The following CHEK1 variants were observed in gnomAD, a reference collection of about 807,000 sequenced individuals.
CHEK1 encodes checkpoint kinase 1, also known as serine/threonine-protein kinase Chk1.
CHEK1 carries 32 observed loss-of-function variants against 60.2 expected under a neutral mutation model. That is an observed-to-expected ratio of 0.53 (90% confidence interval 0.40 to 0.71). The LOEUF is 0.71. Ranked by LOEUF, CHEK1 falls within the 30% of genes least tolerant of loss-of-function variation. CHEK1 has a pLI of 0.00. For synonymous variants in CHEK1, 179 were observed against 187.2 expected (o/e 0.96, Z 0.36); for missense variants, 399 against 564.6 (o/e 0.71, Z 2.97).
At chr11:125,637,637 A>G in intron 8 of CHEK1, 93 bp downstream of exon 8, 3 of 756,406 alleles carry the variant, frequency 4.0e-6, no homozygotes, top group Non-Finnish European at 2.2e-6. Context: ...CATGATAGCT[A>G]TGATCTCTGT....
chr11:125,669,666 G>C (rs749085974), intron 13 of CHEK1, among the ~76,000 whole-genome samples: 2 of 151,528 alleles, frequency 1.3e-5, no homozygotes, highest in Non-Finnish European at 1.5e-5. Flanking sequence ...TGGGATTACA[G>C]GCGCCCACCA....
rs1397834579 is a variant in CHEK1, at chr11:125,655,367, G to A, written c.*47G>A. ...ATCCTGGTGAATATAGTGCTGCTAT[G>A]TTGACATTATTCTTCCTAGAGAAGA... On this transcript the variant is annotated 3_prime_UTR_variant, in exon 13 of 13. Coordinates refer to ENST00000438015, the MANE Select transcript of CHEK1 (RefSeq NM_001114122.3). The A allele has an allele frequency of 7.6e-7, 1 of 1,317,974 alleles. No homozygotes were observed. Among genetic ancestry groups the A allele is most frequent in the East Asian group, 2.3e-5 (1 of 43,180 alleles). 81.6% of individuals were successfully genotyped at this position (1,317,974 alleles called of 1,614,324 possible).
At chr11:125,638,622 G>A (rs1941163131) in intron 8 of CHEK1, among the ~76,000 whole-genome samples, 1 of 152,114 alleles carries the variant, frequency 6.6e-6, no homozygotes, top group African/African-American at 2.4e-5. Context: ...TGAAGCGGTA[G>A]GTGTTTTCTT....
rs1208613484 is a variant in CHEK1 at position 125,668,572 on chromosome 11, C to T, written c.*28-7356C>T. 2.0e-5 allele frequency among the ~76,000 whole-genome samples: 3 copies of T among 152,022 alleles called. No homozygotes were observed. In the East Asian group the frequency reaches 5.8e-4, roughly 29 times the overall value. On this transcript the variant is annotated intron_variant, in intron 13 of 13. Transcript: ENST00000428830. ...ATTTTTGAGACAAGATCTGTTGTCT[C>T]AAAAACAGACCTTGTCTGTTGTCCA...
intron 8 of CHEK1, among the ~76,000 whole-genome samples, chr11:125,639,971 A>C (rs1430038529): frequency 6.6e-6 from 1 of 152,152 alleles, no homozygotes; most frequent in Non-Finnish European, 1.5e-5. Context: ...GCATATCTAC[A>C]TGCTTTTTCT....
At chr11:125,631,115 A>G (rs915847275) in intron 5 of CHEK1, among the ~76,000 whole-genome samples, 18 of 152,238 alleles carry the variant, frequency 1.2e-4, no homozygotes, top group African/African-American at 4.3e-4. Context: ...TAATAAAACC[A>G]AATTCAGAAT....
At position 125,625,212 on chromosome 11, in the gene CHEK1, AG is replaced by A. The variant is rs1940533497; in HGVS notation, c.-820del. ...GCACATTAAAAATGAAAAAGTTTGT[AG>A]AACTAAGCTAAGCAGATGGTCTTCC... On this transcript the variant is annotated 5_prime_UTR_variant, in exon 1 of 13. An upstream open reading frame in the 5' UTR gains an earlier in-frame stop. Coordinates refer to ENST00000438015, the MANE Select transcript of CHEK1 (RefSeq NM_001114122.3). 1 of 227,744 alleles carries A rather than the reference AG, an allele frequency of 4.4e-6. No individual in the cohort carries two copies. Among genetic ancestry groups the A allele is most frequent in the Non-Finnish European group, 8.7e-6 (1 of 114,716 alleles). 14.1% of individuals were successfully genotyped at this position (227,744 alleles called of 1,614,324 possible).
rs1941923579 is a variant in CHEK1 at position 125,657,100 on chromosome 11, T to A, written c.*1780T>A. 5.6e-6 allele frequency: 1 copy of A among 178,872 alleles called. No homozygotes were observed. Among genetic ancestry groups the A allele is most frequent in the South Asian group, 2.0e-4 (1 of 5,044 alleles). 11.1% of individuals were successfully genotyped at this position (178,872 alleles called of 1,614,324 possible). On this transcript the variant is annotated 3_prime_UTR_variant, in exon 13 of 13. Transcript: ENST00000438015. ...TTCATTATATTGTTGTGGGAAGGTATTTACTCCTATTATTAAAAATAAAAA... is the reference window on the plus strand; with the variant it reads ...TTCATTATATTGTTGTGGGAAGGTAATTACTCCTATTATTAAAAATAAAAA...
chr11:125,676,206 C>A, exon 14 of CHEK1: 1 of 1,031,388 alleles, frequency 9.7e-7, no homozygotes, highest in South Asian at 1.7e-5. Flanking sequence ...CCTCGCCTGG[C>A]AAGGGATTCT....
intron 8 of CHEK1, among the ~76,000 whole-genome samples, chr11:125,642,610 G>C (rs138388130): frequency 2.0e-5 from 3 of 152,316 alleles, no homozygotes; most frequent in African/African-American, 7.2e-5. Flanking sequence ...TACGGATCCT[G>C]TAGAGAGGAA....
intron 13 of CHEK1, among the ~76,000 whole-genome samples, chr11:125,662,358 C>T (rs1183207322): frequency 6.6e-6 from 1 of 152,184 alleles, no homozygotes; most frequent in Non-Finnish European, 1.5e-5. Flanking sequence ...CAGGAAGGTC[C>T]TGCCCCATAA....
intron 13 of CHEK1, among the ~76,000 whole-genome samples, chr11:125,674,426 G>T (rs1942382780): frequency 6.6e-6 from 1 of 152,226 alleles, no homozygotes; most frequent in Non-Finnish European, 1.5e-5. Flanking sequence ...ATAATTTCAG[G>T]CTGAAGCATA....
chr11:125,626,865 G>A (rs770692375), intron 2 of CHEK1, 32 bp downstream of exon 2: 1 of 1,606,158 alleles, frequency 6.2e-7, no homozygotes, highest in African/African-American at 1.3e-5. Context: ...TTCGTTTTCT[G>A]AGTGCATATT....
intron 11 of CHEK1, among the ~76,000 whole-genome samples, chr11:125,652,269 T>A (rs1000692078): frequency 6.6e-6 from 1 of 152,196 alleles, no homozygotes; most frequent in African/African-American, 2.4e-5. Flanking sequence ...CTTGGCACTG[T>A]CTGTTAGCTG....
intron 11 of CHEK1, among the ~76,000 whole-genome samples, chr11:125,646,102 AAAAC>A: frequency 6.6e-6 from 1 of 152,146 alleles, no homozygotes; most frequent in Non-Finnish European, 1.5e-5. Context: ...CGGGGAAAAA[AAAAC>A]AAAACACCTC....
downstream of CHEK1, among the ~76,000 whole-genome samples, chr11:125,660,251 G>C (rs1941987754): frequency 1.3e-5 from 2 of 152,094 alleles, no homozygotes; most frequent in African/African-American, 4.8e-5. Flanking sequence ...TTGGGTACAG[G>C]CTTCTGTATA....
intron 13 of CHEK1, among the ~76,000 whole-genome samples, chr11:125,665,270 G>T (rs2136082117): frequency 2.2e-5 from 3 of 135,088 alleles, no homozygotes; most frequent in South Asian, 2.5e-4. Context: ...TATTGATGTT[G>T]ATATGTCATG....
chr11:125,627,519 TA>T, intron 2 of CHEK1, 87 bp from the exon 3 acceptor site: 1 of 1,091,498 alleles, frequency 9.2e-7, no homozygotes, highest in Non-Finnish European at 1.3e-6. Context: ...GTAATAGAGG[TA>T]AAATCGTTTT....
chr11:125,672,498 T>G, intron 13 of CHEK1: 2 of 1,465,338 alleles, frequency 1.4e-6, no homozygotes. Context: ...ATGTGGTCAG[T>G]TGTTGACTGG....
Sources: allele counts gnomAD v4.1 joint callset (sites outside exome capture counted in the v4.1 genomes callset), GRCh38; gene constraint gnomAD v4.1.1; transcripts MANE v1.5; gene names NCBI Gene and HGNC (gene_info 2026-07-23, HGNC 2026-07-21).